Variants in CPEB3 observed in about 807,000 individuals in gnomAD.
CPEB3 encodes cytoplasmic polyadenylation element binding protein 3, also known as cytoplasmic polyadenylation element-binding protein 3.
In CPEB3, 20 loss-of-function variants were observed where a neutral mutation model predicts 67.2. That is an observed-to-expected ratio of 0.30 (90% CI 0.21 to 0.43). The LOEUF (loss-of-function observed/expected upper bound fraction) is 0.43, where lower values mean the gene tolerates loss of function less well. Among genes scored for constraint, CPEB3 ranks in the 20% least tolerant of loss-of-function variants. The pLI, the probability that CPEB3 is intolerant of heterozygous loss-of-function variation, is 1.00. For missense variants in CPEB3, 746 were observed against 968.6 expected (o/e 0.77, Z 3.05); for synonymous variants, 376 against 393.1 (o/e 0.96, Z 0.51).
In CPEB3 at chr10:92,052,082, G is replaced by C; in HGVS notation, c.*130C>G. ...TAAATAATAATAATAATAATAAAAAGACCCAATTCTTCTTTAAAAATCGAG... is the reference window on the plus strand; with the variant it reads ...TAAATAATAATAATAATAATAAAAACACCCAATTCTTCTTTAAAAATCGAG... On this transcript the variant is annotated 3_prime_UTR_variant, in exon 10 of 10. Transcript: ENST00000265997. The C allele has an allele frequency of 1.6e-6, 1 of 609,692 alleles. No homozygotes were observed. Among genetic ancestry groups the C allele is most frequent in the Admixed American group, 2.9e-5 (1 of 33,908 alleles). The allele number at this position is 609,692 out of a possible 1,614,324, so 37.8% of individuals were successfully genotyped here. A position where few individuals can be genotyped will look rare whatever the true frequency, so the allele number is the denominator to read the frequency against.
chr10:92,131,276 T>G (rs1032031398), intron 6 of CPEB3, among the ~76,000 whole-genome samples: 2 of 152,200 alleles, frequency 1.3e-5, no homozygotes, highest in African/African-American at 4.8e-5. Flanking sequence ...CCAGCACTAA[T>G]GTACTATAGT....
chr10:92,242,367 A>G (rs1851887822), intron 1 of CPEB3, among the ~76,000 whole-genome samples: 1 of 152,234 alleles, frequency 6.6e-6, no homozygotes, highest in Non-Finnish European at 1.5e-5. Context: ...GTCTAAAACA[A>G]TGGCTTTGAT....
intron 1 of CPEB3, among the ~76,000 whole-genome samples, chr10:92,261,759 G>T (rs1052317317): frequency 9.2e-5 from 14 of 152,000 alleles, no homozygotes; most frequent in Non-Finnish European, 1.5e-5. Flanking sequence ...TCTTTTTTCT[G>T]AATTTCTACA....
chr10:92,251,598 C>T (rs11186873), intron 1 of CPEB3, among the ~76,000 whole-genome samples: 20 of 152,078 alleles, frequency 1.3e-4, no homozygotes, highest in Non-Finnish European at 2.2e-4. Flanking sequence ...AAAGGGTATT[C>T]GAGTCAACTG....
chr10:92,250,632 T>C (rs1384170735), intron 1 of CPEB3, among the ~76,000 whole-genome samples: 1 of 152,032 alleles, frequency 6.6e-6, no homozygotes, highest in Non-Finnish European at 1.5e-5. Context: ...CAAGCTCAAT[T>C]CATGGTAAGT....
intron 2 of CPEB3, among the ~76,000 whole-genome samples, chr10:92,210,646 C>T (rs1296225410): frequency 6.6e-6 from 1 of 152,096 alleles, no homozygotes; most frequent in Non-Finnish European, 1.5e-5. Context: ...TAATTCAATT[C>T]CAATGGATAT....
chr10:92,250,150 C>T lies in CPEB3; in HGVS notation c.-11-9789G>A, dbSNP rs540161266. Among the ~76,000 whole-genome samples, 76 of 151,334 alleles carry T rather than the reference C, an allele frequency of 5.0e-4. 1 individual carries two copies. Among genetic ancestry groups the T allele is most frequent in the Admixed American group, 3.0e-3 (46 of 15,194 alleles). ...TCGCCCAGGCTAGAGTGCAGTGGCG[C>T]GATCTGAGCTCACTGCCAGCTCGGC... On this transcript the variant is annotated intron_variant, in intron 1 of 9. Transcript: ENST00000265997.
At chr10:92,170,633 GA>G (rs778164257) in intron 4 of CPEB3, among the ~76,000 whole-genome samples, 8 of 149,152 alleles carry the variant, frequency 5.4e-5, no homozygotes, top group African/African-American at 1.7e-4. Context: ...AAGAAGGAAG[GA>G]AAAAAAGAGA....
chr10:92,175,746 TTATG>T (rs1848195520), intron 4 of CPEB3, among the ~76,000 whole-genome samples: 1 of 152,188 alleles, frequency 6.6e-6, no homozygotes, highest in South Asian at 2.1e-4. Flanking sequence ...CTATGCTAGC[TTATG>T]TGATGACTTA....
chr10:92,075,131 A>G (rs1417749170), intron 9 of CPEB3, among the ~76,000 whole-genome samples: 10 of 152,230 alleles, frequency 6.6e-5, no homozygotes, highest in African/African-American at 2.2e-4. Context: ...GACATGCCAC[A>G]GCAAAACGTT....
intron 6 of CPEB3, among the ~76,000 whole-genome samples, chr10:92,135,530 T>C (rs1846050291): frequency 6.6e-6 from 1 of 152,138 alleles, no homozygotes; most frequent in African/African-American, 2.4e-5. Flanking sequence ...GGAGAGGATG[T>C]GGAGAAATAG....
intron 2 of CPEB3, among the ~76,000 whole-genome samples, chr10:92,201,529 G>GAAAC (rs10627521): frequency 0.091 from 13,779 of 151,662 alleles, 2,067 homozygotes; most frequent in African/African-American, 0.32. Context: ...CACTGTCTCA[G>GAAAC]AAACAAACAA....
Position 92,052,233 on chromosome 10 carries a change from G to A in CPEB3, c.2076C>T (p.His692=). 4 of 1,613,692 alleles carry A rather than the reference G, an allele frequency of 2.5e-6. No individual in the cohort carries two copies. Among genetic ancestry groups the A allele is most frequent in the Non-Finnish European group, 3.4e-6 (4 of 1,179,784 alleles). Residue 692 remains histidine, a synonymous_variant, in exon 10 of 10, where the codon CAC becomes CAT. Coordinates refer to ENST00000265997, the MANE Select transcript of CPEB3 (RefSeq NM_014912.5). The stretch of plus-strand genomic sequence containing the variant: ...TGGCTCAGCTCCAGCGGAACGGGAC[G>A]TGACGAGGGCGGTCGCCTCCCTCCT... ...LVKEGGDRPR[H]VPFRWS
At chr10:92,130,714 C>A (rs1038211887) in intron 6 of CPEB3, among the ~76,000 whole-genome samples, 2 of 146,352 alleles carry the variant, frequency 1.4e-5, no homozygotes, top group Middle Eastern at 3.3e-3. Context: ...AAGCTCTTAA[C>A]AATCCACTGA....
chr10:92,249,065 T>C (rs1852183376), intron 1 of CPEB3, among the ~76,000 whole-genome samples: 1 of 149,180 alleles, frequency 6.7e-6, no homozygotes, highest in African/African-American at 2.5e-5. Flanking sequence ...AAAGCCACTG[T>C]GCTGCCAGTT....
In CPEB3 at chr10:92,223,961, T is replaced by C. The variant is rs140628431; in HGVS notation, c.1005+15385A>G. On this transcript the variant is annotated intron_variant, in intron 2 of 9. Transcript: ENST00000265997. The stretch of plus-strand genomic sequence containing the variant: ...ACGGGGTTTCACCATGTTGGCTAGG[T>C]TGGTCTCTTTGGCCAGGTTGGTCTC... Among the ~76,000 whole-genome samples, 593 of 152,150 alleles carry C rather than the reference T, an allele frequency of 3.9e-3. 5 individuals are homozygous for C. Among genetic ancestry groups the C allele is most frequent in the African/African-American group, 0.013 (560 of 41,504 alleles).
chr10:92,273,334 T>C (rs1853384584), intron 1 of CPEB3, among the ~76,000 whole-genome samples: 1 of 152,198 alleles, frequency 6.6e-6, no homozygotes, highest in Non-Finnish European at 1.5e-5. Flanking sequence ...AACATTTTTG[T>C]ATCCCCAGTA....
chr10:92,214,543 C>T (rs550573964), intron 2 of CPEB3, among the ~76,000 whole-genome samples: 4 of 151,686 alleles, frequency 2.6e-5, no homozygotes, highest in East Asian at 2.0e-4. Context: ...AGTGCAGTGG[C>T]GTGATCTCAA....
At position 92,132,947 on chromosome 10, in the gene CPEB3, T is replaced by C. The variant is rs1172202955; in HGVS notation, c.1453+10082A>G. ...GTAAATAACGAAATGAAGGCAGAAA[T>C]AAAGACGTTCTTTGAAACCAATGAG... is the stretch of plus-strand genomic sequence containing the variant. On this transcript the variant is annotated intron_variant, in intron 6 of 9. Coordinates refer to ENST00000265997, the MANE Select transcript of CPEB3 (RefSeq NM_014912.5). 2.0e-5 allele frequency among the ~76,000 whole-genome samples: 3 copies of C among 152,024 alleles called. No individual in the cohort carries two copies. The East Asian group carries it at 5.8e-4, about 29-fold the overall frequency.
Sources: gnomAD v4.1 joint callset for allele counts (sites outside exome capture counted in the v4.1 genomes callset) on GRCh38, gnomAD v4.1.1 for gene constraint, MANE v1.5 for transcripts, NCBI Gene and HGNC (gene_info 2026-07-23, HGNC 2026-07-21) for gene names.